NBAS: variants seen among roughly 807,000 people sequenced by gnomAD.
NBAS encodes the protein NBAS subunit of NRZ tethering complex.
NBAS carries 219 observed loss-of-function variants against 302.5 expected under a neutral mutation model. That is an observed-to-expected ratio of 0.72 (90% CI 0.65 to 0.81). NBAS has a LOEUF of 0.81. NBAS is among the 30% of genes least tolerant of loss of function. The pLI is 0.00. For synonymous variants in NBAS, 1,118 were observed against 1,021.6 expected, an observed-to-expected ratio of 1.09 and a Z score of -1.80; for missense variants, 2,932 against 2,841.6, an observed-to-expected ratio of 1.03 and a Z score of -0.72.
chr2:15,109,083 T>C, the NBAS span, among the ~76,000 whole-genome samples: 1 of 152,126 alleles, frequency 6.6e-6, no homozygotes, highest in East Asian at 1.9e-4. Context: ...CTTCGGCTAA[T>C]GTCCAGAAAT....
chr2:15,268,828 T>A (rs1280954500), intron 44 of NBAS, among the ~76,000 whole-genome samples: 3 of 152,232 alleles, frequency 2.0e-5, no homozygotes, highest in African/African-American at 7.2e-5. Context: ...CCTCTGTCTC[T>A]TAACTGATTG....
At chr2:15,378,250 G>C (rs573928783) in intron 30 of NBAS, among the ~76,000 whole-genome samples, 1 of 152,284 alleles carries the variant, frequency 6.6e-6, no homozygotes, top group Admixed American at 6.5e-5. Context: ...ACACAACTCT[G>C]AGTAAGAAAA....
chr2:15,216,683 A>C (rs1453146987), intron 48 of NBAS, among the ~76,000 whole-genome samples: 2 of 152,214 alleles, frequency 1.3e-5, no homozygotes, highest in Non-Finnish European at 2.9e-5. Context: ...AGAAATAGCA[A>C]TGATACTTAT....
chr2:15,018,136 G>A, the NBAS span, among the ~76,000 whole-genome samples: 1 of 151,988 alleles, frequency 6.6e-6, no homozygotes, highest in Non-Finnish European at 1.5e-5. Flanking sequence ...TGAAGACTGG[G>A]AAGGGTAGGG....
At chr2:15,306,416 C>T (rs1451547655) in intron 40 of NBAS, among the ~76,000 whole-genome samples, 3 of 152,130 alleles carry the variant, frequency 2.0e-5, no homozygotes, top group Non-Finnish European at 4.4e-5. Flanking sequence ...AATATACACC[C>T]AATAGTGATG....
chr2:15,125,483 C>T, the NBAS span, among the ~76,000 whole-genome samples: 3 of 150,168 alleles, frequency 2.0e-5, no homozygotes, highest in African/African-American at 2.5e-5. Context: ...CATGAGGGAT[C>T]CACTCCCATG....
the NBAS span, among the ~76,000 whole-genome samples, chr2:14,901,651 G>T: frequency 6.6e-6 from 1 of 152,082 alleles, no homozygotes; most frequent in Non-Finnish European, 1.5e-5. Context: ...TAGATTCTTA[G>T]GAAGTAATAA....
At chr2:14,915,481 C>A in the NBAS span, among the ~76,000 whole-genome samples, 1 of 152,232 alleles carries the variant, frequency 6.6e-6, no homozygotes, top group East Asian at 1.9e-4. Flanking sequence ...TGGGAGGGAC[C>A]CAGAGGGAGA....
chr2:15,502,474 C>T (rs547324936), intron 11 of NBAS, among the ~76,000 whole-genome samples: 2 of 152,290 alleles, frequency 1.3e-5, no homozygotes, highest in South Asian at 4.1e-4. Context: ...TAGCCTACTA[C>T]GCACCTAGGC....
the NBAS span, among the ~76,000 whole-genome samples, chr2:15,102,528 T>C: frequency 5.3e-5 from 8 of 152,206 alleles, no homozygotes; most frequent in Admixed American, 5.2e-4. Flanking sequence ...CTTATCTAAA[T>C]TCCCCTACCC....
chr2:14,981,319 T>C, the NBAS span, among the ~76,000 whole-genome samples: 1 of 152,216 alleles, frequency 6.6e-6, no homozygotes, highest in Non-Finnish European at 1.5e-5. Context: ...GAAGCAAGCC[T>C]TCAAAAGTAA....
At chr2:15,413,698 C>T (rs1356470357) in intron 25 of NBAS, among the ~76,000 whole-genome samples, 1 of 152,152 alleles carries the variant, frequency 6.6e-6, no homozygotes, top group Admixed American at 6.5e-5. Flanking sequence ...CCTTCCAAGC[C>T]ACTCTAGAGA....
rs574614849 is a variant in NBAS, at chr2:15,172,705, T to C, written c.6841-5382A>G. ...CTTAAGGGGCATGAGAAAGAAAATA[T>C]ATTCTGTCATTTTTGGATGCGGTTT... On this transcript the variant is annotated intron_variant, in intron 51 of 51. Coordinates refer to ENST00000281513, the MANE Select transcript of NBAS (RefSeq NM_015909.4). Among the ~76,000 whole-genome samples, 7 of 152,334 alleles carry C rather than the reference T, an allele frequency of 4.6e-5. No individual in the cohort carries two copies. In the East Asian group the frequency reaches 9.6e-4, roughly 21 times the overall value.
chr2:15,558,975 GA>G, intron 1 of NBAS, among the ~76,000 whole-genome samples: 1 of 147,706 alleles, frequency 6.8e-6, no homozygotes, highest in Non-Finnish European at 1.5e-5. Context: ...AAGCTGAGGT[GA>G]CCCAGGAGGT....
chr2:15,372,051 C>G (rs2098463), intron 31 of NBAS, among the ~76,000 whole-genome samples: 94,949 of 151,908 alleles, frequency 0.63, 30,417 homozygotes, highest in Middle Eastern at 0.68. Flanking sequence ...AATGAGGAAA[C>G]TTAAAGAAAG....
the NBAS span, among the ~76,000 whole-genome samples, chr2:15,158,081 T>A: frequency 6.6e-6 from 1 of 152,100 alleles, no homozygotes; most frequent in Non-Finnish European, 1.5e-5. Context: ...TGCAAGGCCA[T>A]CCCGTGCACT....
At chr2:14,798,260 T>C in the NBAS span, among the ~76,000 whole-genome samples, 1 of 152,196 alleles carries the variant, frequency 6.6e-6, no homozygotes, top group Non-Finnish European at 1.5e-5. Context: ...TTGAGGAAGT[T>C]CCCTTTAATT....
At chr2:15,428,741 T>C (rs1354537455) in intron 21 of NBAS, among the ~76,000 whole-genome samples, 1 of 151,996 alleles carries the variant, frequency 6.6e-6, no homozygotes, top group Admixed American at 6.6e-5. Context: ...CCTGACTGAA[T>C]ATAACATAAG....
chr2:14,849,433 A>G, the NBAS span, among the ~76,000 whole-genome samples: 2 of 151,720 alleles, frequency 1.3e-5, no homozygotes, highest in East Asian at 3.9e-4. Flanking sequence ...GACTATGTGA[A>G]AAGACCAAAT....
Sources: gnomAD v4.1 joint callset for allele counts (sites outside exome capture counted in the v4.1 genomes callset) on GRCh38, gnomAD v4.1.1 for gene constraint, MANE v1.5 for transcripts, NCBI Gene and HGNC (gene_info 2026-07-23, HGNC 2026-07-21) for gene names.